LRRIQ1: variants seen among roughly 807,000 people sequenced by gnomAD.
LRRIQ1 encodes leucine rich repeats and IQ motif containing 1, also known as leucine-rich repeat- and IQ domain-containing protein 1.
Under a neutral mutation model 211.9 loss-of-function variants are expected in LRRIQ1, and 210 were observed. The ratio of observed to expected loss-of-function variants is 0.99; its 90% confidence interval spans 0.89 to 1.11. LRRIQ1 has a LOEUF of 1.11. LRRIQ1 is among the 50% of genes most tolerant of loss of function. The pLI, the probability that LRRIQ1 is intolerant of heterozygous loss-of-function variation, is 0.00. For missense variants in LRRIQ1, 2,136 were observed against 1,939.5 expected (o/e 1.10, Z -1.90); for synonymous variants, 699 against 650.1 (o/e 1.08, Z -1.14).
At chr12:85,065,031 C>A (rs1190329456) in intron 8 of LRRIQ1, among the ~76,000 whole-genome samples, 1 of 151,676 alleles carries the variant, frequency 6.6e-6, no homozygotes, top group East Asian at 1.9e-4. Flanking sequence ...TTTTATGTAT[C>A]TTACCTTTGG....
intron 24 of LRRIQ1, among the ~76,000 whole-genome samples, chr12:85,213,394 T>C (rs1203665638): frequency 6.6e-6 from 1 of 152,026 alleles, no homozygotes; most frequent in Non-Finnish European, 1.5e-5. Context: ...TATTGGATGA[T>C]TTTAAGGACA....
chr12:85,162,634 G>T (rs1039194146), intron 24 of LRRIQ1: 4 of 396,176 alleles, frequency 1.0e-5, no homozygotes, highest in Non-Finnish European at 2.0e-5. Flanking sequence ...ATTGAATTGT[G>T]TACTGGTATA....
chr12:85,060,054 G>A (rs903341804), intron 8 of LRRIQ1, among the ~76,000 whole-genome samples: 1 of 151,838 alleles, frequency 6.6e-6, no homozygotes, highest in African/African-American at 2.4e-5. Context: ...TTATGCAAAT[G>A]CTTGACCTGT....
At chr12:85,142,374 A>G (rs776165156) in intron 19 of LRRIQ1, among the ~76,000 whole-genome samples, 1 of 151,442 alleles carries the variant, frequency 6.6e-6, no homozygotes, top group Non-Finnish European at 1.5e-5. Flanking sequence ...TTTATTTCAA[A>G]TATTTGTTCT....
At position 85,136,616 on chromosome 12, in the gene LRRIQ1, T is replaced by G. The variant is rs141343205; in HGVS notation, c.4210-1234T>G. ...TGGTTTGGCTTCCTAGGCTGGCTGT[T>G]AACAAAGGTTGTGGGTGACTGCTAT... On this transcript the variant is annotated intron_variant, in intron 18 of 26. Transcript: ENST00000393217. 5.9e-3 allele frequency among the ~76,000 whole-genome samples: 892 copies of G among 151,962 alleles called. 3 individuals carry two copies. Among genetic ancestry groups the G allele is most frequent in the Non-Finnish European group, 9.4e-3 (639 of 67,878 alleles).
intron 20 of LRRIQ1, 58 bp from the exon 21 acceptor site, chr12:85,152,966 A>G: frequency 2.3e-6 from 3 of 1,318,388 alleles, no homozygotes; most frequent in Non-Finnish European, 1.1e-6. Flanking sequence ...AAATAATACA[A>G]CATAAATGCT....
At chr12:85,048,584 A>G (rs537414175) in intron 6 of LRRIQ1, 18 of 152,162 alleles carry the variant, frequency 1.2e-4, no homozygotes, top group African/African-American at 4.1e-4. Flanking sequence ...GAAAGAAGAA[A>G]AAAGAAAATA....
chr12:85,130,082 T>C (rs1888645709), intron 18 of LRRIQ1, among the ~76,000 whole-genome samples: 2 of 152,118 alleles, frequency 1.3e-5, no homozygotes, highest in South Asian at 2.1e-4. Flanking sequence ...AAAAAGAAAT[T>C]ACCCTTCCTC....
At chr12:85,150,744 G>A (rs1467035362) in intron 19 of LRRIQ1, among the ~76,000 whole-genome samples, 1 of 151,016 alleles carries the variant, frequency 6.6e-6, no homozygotes, top group Non-Finnish European at 1.5e-5. Context: ...TGGTGAGAGA[G>A]CTTTGTCTCT....
intron 24 of LRRIQ1, among the ~76,000 whole-genome samples, chr12:85,169,373 CTA>C (rs1263123864): frequency 6.6e-6 from 1 of 151,666 alleles, no homozygotes; most frequent in African/African-American, 2.4e-5. Context: ...AGATCAGGAG[CTA>C]TGTTTTGATT....
chr12:85,215,924 G>C (rs889991597), intron 24 of LRRIQ1, among the ~76,000 whole-genome samples: 11 of 152,126 alleles, frequency 7.2e-5, no homozygotes, highest in Non-Finnish European at 1.2e-4. Context: ...CTATAATATA[G>C]TGCTTAAACA....
Position 85,040,511 on chromosome 12 carries a change from T to C in LRRIQ1, c.154T>C (p.Ser52Pro), listed in dbSNP as rs1170915735. 1 of 1,552,474 alleles carries C rather than the reference T, an allele frequency of 6.4e-7. No homozygotes were observed. The highest frequency in any genetic ancestry group is 1.9e-5 in the Admixed American group (1 of 53,214). ...TTAGGATTCAGTTGAATTACCAGAATCAGTTCTTCACTGTATTAACATCAT... is the reference window on the plus strand; with the variant it reads ...TTAGGATTCAGTTGAATTACCAGAACCAGTTCTTCACTGTATTAACATCAT... ...SDTDSVELPE[S>P]VLHCINIIKN... Residue 52 changes from serine to proline, a missense_variant, in exon 3 of 27, where the codon TCA (serine) becomes CCA (proline). Physicochemically the swap from Ser to Pro is moderately conservative, Grantham distance 74 (BLOSUM62 -1). Coordinates refer to ENST00000393217, the MANE Select transcript of LRRIQ1 (RefSeq NM_001079910.2).
At chr12:85,130,852 A>G (rs1888697814) in intron 18 of LRRIQ1, among the ~76,000 whole-genome samples, 1 of 152,258 alleles carries the variant, frequency 6.6e-6, no homozygotes, top group South Asian at 2.1e-4. Flanking sequence ...TCTTCCTGGC[A>G]TAGAGCCAGA....
At chr12:85,231,047 CAA>C (rs1238327953) in intron 25 of LRRIQ1, among the ~76,000 whole-genome samples, 5 of 126,660 alleles carry the variant, frequency 3.9e-5, no homozygotes, top group Admixed American at 1.6e-4. Flanking sequence ...GACTCCACCT[CAA>C]AAAAAAAAAA....
intron 24 of LRRIQ1, among the ~76,000 whole-genome samples, chr12:85,204,515 C>T (rs2137034801): frequency 6.6e-6 from 1 of 152,294 alleles, no homozygotes; most frequent in East Asian, 1.9e-4. Context: ...GGAGGCTGTA[C>T]CCTGGAAAGC....
chr12:85,211,716 AT>A (rs1893846562), intron 24 of LRRIQ1, among the ~76,000 whole-genome samples: 1 of 152,162 alleles, frequency 6.6e-6, no homozygotes, highest in Non-Finnish European at 1.5e-5. Context: ...TAAAATTGAT[AT>A]TTAAAATGGT....
intron 26 of LRRIQ1, among the ~76,000 whole-genome samples, chr12:85,243,313 TTTATTATTATTATTA>T (rs10682844): frequency 8.9e-4 from 125 of 140,720 alleles, no homozygotes; most frequent in African/African-American, 2.8e-3. Flanking sequence ...ATGTATAACT[TTTATTATTATTATTA>T]TTATTATTAT....
intron 18 of LRRIQ1, 26 bp from the exon 19 acceptor site, chr12:85,137,824 A>G: frequency 1.3e-6 from 2 of 1,560,838 alleles, no homozygotes; most frequent in East Asian, 2.3e-5. Context: ...ATAACTTTGT[A>G]TAACATACTT....
intron 19 of LRRIQ1, among the ~76,000 whole-genome samples, chr12:85,138,192 A>C (rs1199024438): frequency 2.0e-5 from 3 of 151,546 alleles, no homozygotes; most frequent in Non-Finnish European, 4.4e-5. Flanking sequence ...TGTGCCCTTC[A>C]ACCATGTTCT....
Sources: gnomAD v4.1 joint callset for allele counts (sites outside exome capture counted in the v4.1 genomes callset) on GRCh38, gnomAD v4.1.1 for gene constraint, MANE v1.5 for transcripts, NCBI Gene and HGNC (gene_info 2026-07-23, HGNC 2026-07-21) for gene names.